The following ZSWIM5 variants were observed in gnomAD, a reference collection of about 807,000 sequenced individuals.
ZSWIM5 encodes zinc finger SWIM-type containing 5, also known as zinc finger SWIM domain-containing protein 5.
Under a neutral mutation model 119.6 loss-of-function variants are expected in ZSWIM5, and 55 were observed. The ratio of observed to expected loss-of-function variants is 0.46; its 90% confidence interval spans 0.37 to 0.58. ZSWIM5 has a LOEUF of 0.58. ZSWIM5 is among the 20% of genes least tolerant of loss of function. ZSWIM5 has a pLI of 0.00. For synonymous variants in ZSWIM5, 537 were observed against 606.9 expected (o/e 0.88, Z 1.69); for missense variants, 1,193 against 1,512.8 (o/e 0.79, Z 3.51).
At position 45,066,555 on chromosome 1, in the gene ZSWIM5, C is replaced by A. The variant is rs1645185111; in HGVS notation, c.953-6308G>T. Among the ~76,000 whole-genome samples the A allele has an allele frequency of 2.6e-5, 4 of 152,036 alleles. No homozygotes were observed. In the South Asian group the frequency reaches 8.3e-4, roughly 32 times the overall value. Reference sequence around the variant, plus strand: ...CTGTGTACTTTTTGTTCAAAAAAAACATTATGTCATAAATTGGTAATTAAA... The same window carrying A: ...CTGTGTACTTTTTGTTCAAAAAAAAAATTATGTCATAAATTGGTAATTAAA... On this transcript the variant is annotated intron_variant, in intron 2 of 13. Transcript: ENST00000359600.
intron 1 of ZSWIM5, among the ~76,000 whole-genome samples, chr1:45,198,916 A>G (rs1646141696): frequency 6.6e-6 from 1 of 152,162 alleles, no homozygotes; most frequent in African/African-American, 2.4e-5. Context: ...CCATTTTTCC[A>G]TGAGCTTTTG....
intron 1 of ZSWIM5, among the ~76,000 whole-genome samples, chr1:45,139,380 CT>C (rs1340399722): frequency 6.7e-6 from 1 of 149,190 alleles, no homozygotes; most frequent in East Asian, 2.0e-4. Flanking sequence ...TTTTTTCTCT[CT>C]CTCTCTCCTC....
At chr1:45,183,894 T>C (rs1397640257) in intron 1 of ZSWIM5, among the ~76,000 whole-genome samples, 1 of 152,212 alleles carries the variant, frequency 6.6e-6, no homozygotes, top group East Asian at 1.9e-4. Flanking sequence ...CCCTAACTCA[T>C]TTTATGAGGC....
At chr1:45,145,772 C>T (rs990623301) in intron 1 of ZSWIM5, among the ~76,000 whole-genome samples, 26 of 151,844 alleles carry the variant, frequency 1.7e-4, no homozygotes, top group African/African-American at 5.8e-4. Flanking sequence ...CAGAACTGTA[C>T]ATCAAAAGAA....
rs1262421255 is a variant in ZSWIM5, at chr1:45,086,634, G to A, written c.952+1247C>T. The stretch of plus-strand genomic sequence containing the variant: ...AACATCACACCCCGGGGGCTGTCGC[G>A]GGGTGGAGGGCAGGGGAAGGATAGC... On this transcript the variant is annotated intron_variant, in intron 2 of 13. Transcript: ENST00000359600. 2.6e-5 allele frequency among the ~76,000 whole-genome samples: 4 copies of A among 152,052 alleles called. No individual in the cohort carries two copies. In the East Asian group the frequency reaches 5.8e-4, roughly 22 times the overall value.
intron 1 of ZSWIM5, among the ~76,000 whole-genome samples, chr1:45,097,443 G>A (rs1164772325): frequency 6.6e-6 from 1 of 152,178 alleles, no homozygotes; most frequent in Non-Finnish European, 1.5e-5. Flanking sequence ...TAACATTTAT[G>A]GGTATGGAGC....
At chr1:45,150,475 A>G (rs1645790222) in intron 1 of ZSWIM5, among the ~76,000 whole-genome samples, 2 of 152,180 alleles carry the variant, frequency 1.3e-5, no homozygotes, top group African/African-American at 4.8e-5. Context: ...ATGACCGAGC[A>G]TGCTGAGTTT....
At position 45,071,611 on chromosome 1, in the gene ZSWIM5, A is replaced by C. The variant is rs1053592636; in HGVS notation, c.953-11364T>G. ...GTTGAGACTACAGGTGCATGCCACCAACATCTGGCTACTTTTTTGTAATTT... is the reference window on the plus strand; with the variant it reads ...GTTGAGACTACAGGTGCATGCCACCCACATCTGGCTACTTTTTTGTAATTT... On this transcript the variant is annotated intron_variant, in intron 2 of 13. Coordinates refer to ENST00000359600, the MANE Select transcript of ZSWIM5 (RefSeq NM_020883.2). 3.2e-4 allele frequency among the ~76,000 whole-genome samples: 48 copies of C among 152,054 alleles called. 1 individual carries two copies. Among genetic ancestry groups the C allele is most frequent in the East Asian group, 1.4e-3 (7 of 5,170 alleles).
At chr1:45,194,491 C>T (rs72684485) in intron 1 of ZSWIM5, among the ~76,000 whole-genome samples, 7,047 of 152,184 alleles carry the variant, frequency 0.046, 222 homozygotes, top group East Asian at 0.11. Context: ...AACATCTTGT[C>T]ATCTTCCTTC....
chr1:45,029,964 T>C lies in ZSWIM5; in HGVS notation c.2449+4348A>G, dbSNP rs539416627. ...TTTTTTTTCGACCCACCTACCTGTT[T>C]ATGTTTTTAGAGATAGGGTCTCACT... is the stretch of plus-strand genomic sequence containing the variant. On this transcript the variant is annotated intron_variant, in intron 11 of 13. Transcript: ENST00000359600. Among the ~76,000 whole-genome samples, 4 of 152,262 alleles carry C rather than the reference T, an allele frequency of 2.6e-5. No individual in the cohort carries two copies. In the East Asian group the frequency reaches 7.7e-4, roughly 29 times the overall value.
rs547996779 is a variant in ZSWIM5 at position 45,175,092 on chromosome 1, G to A, written c.595+30664C>T. ...ATGTCTCCTTATTCTCCTTCAATCT[G>A]GAACCACCTGTAGTCTTAACTTTCT... On this transcript the variant is annotated intron_variant, in intron 1 of 13. Coordinates refer to ENST00000359600, the MANE Select transcript of ZSWIM5 (RefSeq NM_020883.2). Among the ~76,000 whole-genome samples the A allele has an allele frequency of 8.5e-5, 13 of 152,128 alleles. No individual in the cohort carries two copies. The South Asian group carries it at 2.7e-3, about 32-fold the overall frequency.
chr1:45,173,390 T>C (rs560729825), intron 1 of ZSWIM5, among the ~76,000 whole-genome samples: 1 of 152,280 alleles, frequency 6.6e-6, no homozygotes, highest in East Asian at 1.9e-4. Flanking sequence ...AGGCAATAAA[T>C]ATTAGTGTCA....
Position 45,018,449 on chromosome 1 carries a change from C to T in ZSWIM5, c.*5G>A. The T allele has an allele frequency of 6.2e-7, 1 of 1,611,296 alleles. No homozygotes were observed. The highest frequency in any genetic ancestry group is 8.5e-7 in the Non-Finnish European group (1 of 1,178,308). ...GGCTGCTCTGGCAGTGAGCTATCTG[C>T]TCTCTCAGCCAAAGCGCTCTCGCAC... On this transcript the variant is annotated 3_prime_UTR_variant, in exon 14 of 14. Coordinates refer to ENST00000359600, the MANE Select transcript of ZSWIM5 (RefSeq NM_020883.2). This position sits in a 1 kb window ranked among gnomAD's most constrained non-coding sequence, Gnocchi z 6.7.
At chr1:45,133,152 TG>T (rs201169734) in intron 1 of ZSWIM5, among the ~76,000 whole-genome samples, 3,126 of 152,274 alleles carry the variant, frequency 0.021, 114 homozygotes, top group African/African-American at 0.072. Flanking sequence ...CTGGGTCAAA[TG>T]GTATTTCTAG....
chr1:45,044,848 T>A lies in ZSWIM5; in HGVS notation c.1433-1453A>T, dbSNP rs1237094229. On this transcript the variant is annotated intron_variant, in intron 5 of 13. Coordinates refer to ENST00000359600, the MANE Select transcript of ZSWIM5 (RefSeq NM_020883.2). ...ATATATATATATAAATATATATATA[T>A]AGATTAGCCGGGCATGGTGGCGTGG... is the stretch of plus-strand genomic sequence containing the variant. Among the ~76,000 whole-genome samples the A allele has an allele frequency of 3.3e-4, 14 of 41,994 alleles. No homozygotes were observed. In the East Asian group the frequency reaches 8.1e-3, roughly 24 times the overall value. 27.5% of individuals were successfully genotyped at this position (41,994 alleles called of 152,430 possible).
At chr1:45,159,792 T>C (rs1645852605) in intron 1 of ZSWIM5, among the ~76,000 whole-genome samples, 1 of 152,208 alleles carries the variant, frequency 6.6e-6, no homozygotes, top group Non-Finnish European at 1.5e-5. Flanking sequence ...TTTCACCATG[T>C]TGGCCAGGCT....
chr1:45,181,410 G>A (rs1270272657), intron 1 of ZSWIM5, among the ~76,000 whole-genome samples: 1 of 152,016 alleles, frequency 6.6e-6, no homozygotes, highest in Non-Finnish European at 1.5e-5. Context: ...AACAAACAAA[G>A]CCTCCAAGAA....
intron 1 of ZSWIM5, among the ~76,000 whole-genome samples, chr1:45,106,901 T>A (rs935488810): frequency 6.6e-6 from 1 of 152,242 alleles, no homozygotes; most frequent in Admixed American, 6.5e-5. Context: ...ATGCTGTTAA[T>A]CTATAACCTT....
intron 1 of ZSWIM5, among the ~76,000 whole-genome samples, chr1:45,125,646 C>T (rs1160206140): frequency 3.3e-5 from 5 of 151,082 alleles, no homozygotes; most frequent in Non-Finnish European, 7.4e-5. Context: ...TGGTGGCAAG[C>T]GCCTGTAATC....
Sources: allele counts gnomAD v4.1 joint callset (sites outside exome capture counted in the v4.1 genomes callset), GRCh38; gene constraint gnomAD v4.1.1; non-coding constraint Gnocchi (gnomAD v3.1); transcripts MANE v1.5; gene names NCBI Gene and HGNC (gene_info 2026-07-23, HGNC 2026-07-21).